Variants in PCDHGB7 observed in about 807,000 individuals in gnomAD.
PCDHGB7 encodes protocadherin gamma subfamily B, 7, also known as protocadherin gamma-B7.
Under a neutral mutation model 61.4 loss-of-function variants are expected in PCDHGB7, and 37 were observed. The ratio of observed to expected loss-of-function variants is 0.60; its 90% CI spans 0.46 to 0.79. The LOEUF is 0.79. Ranked by LOEUF, PCDHGB7 falls within the 30% of genes least tolerant of loss-of-function variation. The pLI is 0.00. For synonymous variants in PCDHGB7, 464 were observed against 503.5 expected (o/e 0.92, Z 1.05); for missense variants, 1,166 against 1,202.5 (o/e 0.97, Z 0.45).
intron 1 of PCDHGB7, chr5:141,422,940 C>T (rs769630623): frequency 2.0e-5 from 32 of 1,614,124 alleles, no homozygotes; most frequent in Admixed American, 5.0e-5. Flanking sequence ...TCCCCACAGA[C>T]GGCTCCACTG....
Position 141,419,064 on chromosome 5 carries a change from A to G in PCDHGB7, c.1205A>G (p.Tyr402Cys), listed in dbSNP as rs149057484. ...FKIHSSSNNY[Y>C]KLVTDEALDR... ...ATTCATTCTTCTTCTAATAATTACT[A>G]CAAGCTAGTAACAGATGAGGCCCTG... The change falls in exon 1 of 4, where the codon TAC becomes TGC. Residue 402 changes from tyrosine to cysteine, a missense_variant. Transcript: ENST00000398594. 51 of 1,613,962 alleles carry G rather than the reference A, an allele frequency of 3.2e-5. No homozygotes were observed. In the African/African-American group the frequency reaches 5.9e-4, roughly 19 times the overall value.
At position 141,480,148 on chromosome 5, in the gene PCDHGB7, G is replaced by C. The variant is rs139861128; in HGVS notation, c.2416-14659G>C. On this transcript the variant is annotated intron_variant, in intron 1 of 3. Transcript: ENST00000398594. ...ATAACTGTTAAACAATTATTAGCCA[G>C]CTCCTAGCATTTTGGGAGGCTGAGG... 9.2e-4 allele frequency among the ~76,000 whole-genome samples: 140 copies of C among 152,036 alleles called. 1 individual carries two copies. The highest frequency in any genetic ancestry group is 3.1e-3 in the African/African-American group (127 of 41,470).
chr5:141,503,045 G>A (rs543484478), intron 2 of PCDHGB7, among the ~76,000 whole-genome samples: 1 of 151,702 alleles, frequency 6.6e-6, no homozygotes, highest in South Asian at 2.1e-4. Context: ...AGTTGAGACA[G>A]GGTTTCACCA....
intron 1 of PCDHGB7, among the ~76,000 whole-genome samples, chr5:141,452,522 A>G (rs924248463): frequency 6.6e-6 from 1 of 152,310 alleles, no homozygotes; most frequent in African/African-American, 2.4e-5. Context: ...CTCCCTCAAA[A>G]TCGTGAGTTC....
At chr5:141,498,971 G>GGGAGGGAAGGAAGGAA (rs2099787588) in intron 2 of PCDHGB7, among the ~76,000 whole-genome samples, 1 of 110,970 alleles carries the variant, frequency 9.0e-6, no homozygotes, top group African/African-American at 3.6e-5. Flanking sequence ...GAGGGAGGGA[G>GGGAGGGAAGGAAGGAA]GGAAGGAAGG....
intron 1 of PCDHGB7, chr5:141,479,494 G>C (rs747201739): frequency 2.6e-5 from 4 of 152,256 alleles, no homozygotes; most frequent in Non-Finnish European, 5.9e-5. Flanking sequence ...CCATCAGGTT[G>C]CCTAAAGAGG....
intron 1 of PCDHGB7, among the ~76,000 whole-genome samples, chr5:141,454,924 C>T (rs1252057038): frequency 6.7e-6 from 1 of 149,858 alleles, no homozygotes; most frequent in Non-Finnish European, 1.5e-5. Context: ...TCTCCTGCCT[C>T]AGCCTCCCGA....
At chr5:141,457,111 G>T (rs922281700) in intron 1 of PCDHGB7, among the ~76,000 whole-genome samples, 1 of 152,120 alleles carries the variant, frequency 6.6e-6, no homozygotes, top group African/African-American at 2.4e-5. Context: ...AGCAAAATAC[G>T]ACAGCAATGG....
rs373421472 is a variant in PCDHGB7, at chr5:141,472,201, A to G, written c.2416-22606A>G. ...GTATTGGAATTTGAATCTTTTTGAC[A>G]CTAAGACCTTACTCTCGATCATATA... is the stretch of plus-strand genomic sequence containing the variant. On this transcript the variant is annotated intron_variant, in intron 1 of 3. Coordinates refer to ENST00000398594, the MANE Select transcript of PCDHGB7 (RefSeq NM_018927.4). Among the ~76,000 whole-genome samples the G allele has an allele frequency of 5.6e-4, 86 of 152,320 alleles. 2 individuals are homozygous for G. The South Asian group carries it at 0.017, about 30-fold the overall frequency.
chr5:141,419,464 C>T lies in PCDHGB7; in HGVS notation c.1605C>T (p.Arg535=), dbSNP rs199965876. The change falls in exon 1 of 4, where the codon CGC becomes CGT. Residue 535 remains arginine (R), a synonymous_variant. Transcript: ENST00000398594. ...CCTTCGAGCTCACGCTGCAGGCCCG[C>T]GACCAGGGCTCGCCCGCGCTCAGCG... ...LRTFELTLQA[R]DQGSPALSAN... is the part of the protein sequence containing the mutation. The T allele has an allele frequency of 2.2e-5, 35 of 1,612,542 alleles. No individual in the cohort carries two copies. Among genetic ancestry groups the T allele is most frequent in the Middle Eastern group, 1.7e-4 (1 of 5,996 alleles).
In PCDHGB7 at chr5:141,486,705, A is replaced by T. The variant is rs2099633722; in HGVS notation, c.2416-8102A>T. On this transcript the variant is annotated intron_variant, in intron 1 of 3. Transcript: ENST00000398594. This position sits in a 1 kb window ranked among gnomAD's most constrained non-coding sequence, Gnocchi z 5.0. ...TCAGCTTCCTCTTTCATCTCTCTGA[A>T]CCCCCAGACAGGAGCTGTTCATGCT... The T allele has an allele frequency of 6.2e-7, 1 of 1,613,844 alleles. No individual in the cohort carries two copies. The highest frequency in any genetic ancestry group is 1.3e-5 in the African/African-American group (1 of 74,910).
chr5:141,439,652 T>G (rs1047430832), intron 1 of PCDHGB7, among the ~76,000 whole-genome samples: 1 of 152,208 alleles, frequency 6.6e-6, no homozygotes, highest in African/African-American at 2.4e-5. Context: ...GTGGCTTTTC[T>G]AATTTCATGG....
rs1041367498 is a variant in PCDHGB7 at position 141,489,060 on chromosome 5, T to G, written c.2416-5747T>G. ...CAGCTCCACTCAAATTCAGCTCCCCTCCCCCCTGCCCACCCCCGCCACTCG... is the reference window on the plus strand; with the variant it reads ...CAGCTCCACTCAAATTCAGCTCCCCGCCCCCCTGCCCACCCCCGCCACTCG... On this transcript the variant is annotated intron_variant, in intron 1 of 3. Transcript: ENST00000398594. This position sits in a 1 kb window ranked among gnomAD's most constrained non-coding sequence, Gnocchi z 4.5. The G allele has an allele frequency of 1.7e-5, 5 of 300,224 alleles. No individual in the cohort carries two copies. The highest frequency in any genetic ancestry group is 2.4e-5 in the African/African-American group (1 of 42,484). The allele number at this position is 300,224 out of a possible 1,614,324, so 18.6% of individuals were successfully genotyped here.
intron 3 of PCDHGB7, chr5:141,508,127 G>A (rs1220643878): frequency 6.6e-6 from 1 of 152,628 alleles, no homozygotes; most frequent in Non-Finnish European, 1.5e-5. Context: ...ACAGAGGGAG[G>A]TCAGGGAGCT....
In PCDHGB7 at chr5:141,487,153, T is replaced by C; in HGVS notation, c.2416-7654T>C. The stretch of plus-strand genomic sequence containing the variant: ...GTCCACCACTCTCTACCTCTGTTAC[T>C]CTCTTAGTGTCCTTAGAGGAAGACA... On this transcript the variant is annotated intron_variant, in intron 1 of 3. Coordinates refer to ENST00000398594, the MANE Select transcript of PCDHGB7 (RefSeq NM_018927.4). This position sits in a 1 kb window ranked among gnomAD's most constrained non-coding sequence, Gnocchi z 5.0. 3 of 1,613,954 alleles carry C rather than the reference T, an allele frequency of 1.9e-6. No individual in the cohort carries two copies. Among genetic ancestry groups the C allele is most frequent in the Non-Finnish European group, 2.5e-6 (3 of 1,179,838 alleles).
chr5:141,487,459 T>A lies in PCDHGB7; in HGVS notation c.2416-7348T>A. The A allele has an allele frequency of 1.2e-6, 2 of 1,614,102 alleles. No homozygotes were observed. Among genetic ancestry groups the A allele is most frequent in the Non-Finnish European group, 1.7e-6 (2 of 1,180,008 alleles). On this transcript the variant is annotated intron_variant, in intron 1 of 3. Transcript: ENST00000398594. The surrounding 1 kb of genome is among the most constrained non-coding windows in gnomAD (Gnocchi z 5.0). ...TAGGGTCAGATGACCCTATCAAGTT[T>A]GTTGATGTGGGAGGCCACTCTCATG...
intron 1 of PCDHGB7, among the ~76,000 whole-genome samples, chr5:141,463,726 A>G (rs6888081): frequency 0.29 from 44,573 of 151,836 alleles, 7,596 homozygotes; most frequent in African/African-American, 0.48. Flanking sequence ...GATTACAGGC[A>G]TGAGCCACCG....
chr5:141,421,374 C>T, intron 1 of PCDHGB7: 1 of 1,614,062 alleles, frequency 6.2e-7, no homozygotes, highest in Non-Finnish European at 8.5e-7. Flanking sequence ...TGGGCAATAT[C>T]TCCAAGGACC....
chr5:141,488,748 T>C (rs2099679003), intron 1 of PCDHGB7, among the ~76,000 whole-genome samples: 1 of 152,270 alleles, frequency 6.6e-6, no homozygotes, highest in African/African-American at 2.4e-5. Flanking sequence ...ATGCAGGAAG[T>C]TGCTGGGACA....
Sources: allele counts gnomAD v4.1 joint callset (sites outside exome capture counted in the v4.1 genomes callset), GRCh38; gene constraint gnomAD v4.1.1; non-coding constraint Gnocchi (gnomAD v3.1); transcripts MANE v1.5; gene names NCBI Gene and HGNC (gene_info 2026-07-23, HGNC 2026-07-21).